Variants in SNTG1 observed in about 807,000 individuals in gnomAD.
SNTG1 encodes the protein gamma-1-syntrophin.
SNTG1 carries 39 observed loss-of-function variants against 74.7 expected under a neutral mutation model. The ratio of observed to expected loss-of-function variants is 0.52; its 90% CI spans 0.40 to 0.68. SNTG1 has a LOEUF of 0.68. Ranked by LOEUF, SNTG1 falls within the 30% of genes least tolerant of loss-of-function variation. SNTG1 has a pLI of 0.00. For synonymous variants in SNTG1, 254 were observed against 217.1 expected (o/e 1.17, Z -1.49); for missense variants, 685 against 609.5 (o/e 1.12, Z -1.30).
intron 18 of SNTG1, among the ~76,000 whole-genome samples, chr8:50,783,543 C>T (rs548695048): frequency 7.6e-4 from 116 of 152,308 alleles, no homozygotes; most frequent in Middle Eastern, 6.8e-3. Context: ...TTTTTAAGCC[C>T]GTGGGAAAAG....
At chr8:50,692,530 G>T (rs1396196774) in intron 15 of SNTG1, among the ~76,000 whole-genome samples, 1 of 152,170 alleles carries the variant, frequency 6.6e-6, no homozygotes, top group South Asian at 2.1e-4. Context: ...GACCCTGTTT[G>T]CCTGGGTTTC....
chr8:50,348,391 C>T (rs1221993207), intron 2 of SNTG1, among the ~76,000 whole-genome samples: 2 of 152,130 alleles, frequency 1.3e-5, no homozygotes, highest in African/African-American at 4.8e-5. Flanking sequence ...ACTACCCGCT[C>T]CTTTCTGGAG....
intron 1 of SNTG1, among the ~76,000 whole-genome samples, chr8:50,156,067 C>T (rs371234773): frequency 3.3e-5 from 5 of 152,014 alleles, no homozygotes; most frequent in African/African-American, 4.8e-5. Flanking sequence ...AAGACTAATA[C>T]AAAAAGAGGA....
rs549965322 is a variant in SNTG1 at position 50,530,201 on chromosome 8, G to A, written c.491G>A (p.Gly164Asp). 1 of 1,613,714 alleles carries A rather than the reference G, an allele frequency of 6.2e-7. No homozygotes were observed. Among genetic ancestry groups the A allele is most frequent in the South Asian group, 1.1e-5 (1 of 91,062 alleles). The change falls in exon 10 of 19, where the codon GGC becomes GAC. Residue 164 changes from glycine to aspartate, a missense_variant. Coordinates refer to ENST00000642720, the MANE Select transcript of SNTG1 (RefSeq NM_018967.5). ...GGTGCTCCAAGTGACCAGAGCAGTG[G>A]CACCTCCTCTCCTCTCTGTGACAGT... ...CACAPSDQSS[G>D]TSSPLCDSGL...
At chr8:50,489,039 G>C (rs2093825352) in intron 8 of SNTG1, among the ~76,000 whole-genome samples, 1 of 151,948 alleles carries the variant, frequency 6.6e-6, no homozygotes, top group Non-Finnish European at 1.5e-5. Flanking sequence ...TTGGTTTTCT[G>C]TTCCTGTGTT....
At chr8:50,617,840 G>A (rs538112180) in intron 13 of SNTG1, among the ~76,000 whole-genome samples, 1 of 152,292 alleles carries the variant, frequency 6.6e-6, no homozygotes, top group Admixed American at 6.5e-5. Flanking sequence ...TACCATAACC[G>A]ATTAGGTCAG....
Position 50,752,013 on chromosome 8 carries a change from A to G in SNTG1, c.1297A>G (p.Arg433Gly). ...TTCCCCCCTTTAGGCTGTCCTTTGG[A>G]GGTATAAATTCTCTCAGCTTAAAGG... ...FDAATKAVLW[R>G]YKFSQLKGSS... Residue 433 changes from arginine to glycine, a missense_variant, in exon 18 of 19, where the codon AGG becomes GGG. Transcript: ENST00000642720. 6.4e-7 allele frequency: 1 copy of G among 1,560,718 alleles called. No individual in the cohort carries two copies. The highest frequency in any genetic ancestry group is 1.2e-5 in the South Asian group (1 of 81,926).
rs375837938 is a variant in SNTG1 at position 50,599,622 on chromosome 8, C to A, written c.849+8705C>A. The stretch of plus-strand genomic sequence containing the variant: ...ACAAATGGGGTTACAGTTTTGATTT[C>A]ATTTTCAGATTGTTCACTGTTGGCA... On this transcript the variant is annotated intron_variant, in intron 13 of 18. Coordinates refer to ENST00000642720, the MANE Select transcript of SNTG1 (RefSeq NM_018967.5). Among the ~76,000 whole-genome samples, 25 of 151,988 alleles carry A rather than the reference C, an allele frequency of 1.6e-4. No individual in the cohort carries two copies. The South Asian group carries it at 2.5e-3, about 15-fold the overall frequency.
chr8:50,655,081 T>A (rs1016373784), intron 13 of SNTG1, among the ~76,000 whole-genome samples: 3 of 152,180 alleles, frequency 2.0e-5, no homozygotes, highest in Non-Finnish European at 4.4e-5. Context: ...TTCCTATAAA[T>A]TTTTCCTGGT....
intron 18 of SNTG1, among the ~76,000 whole-genome samples, chr8:50,757,853 T>C (rs896880006): frequency 1.3e-5 from 2 of 151,930 alleles, no homozygotes; most frequent in African/African-American, 4.8e-5. Flanking sequence ...TGTTTTACTT[T>C]TATTAGTGGT....
intron 11 of SNTG1, among the ~76,000 whole-genome samples, chr8:50,544,043 A>C (rs2094367874): frequency 6.6e-6 from 1 of 151,962 alleles, no homozygotes; most frequent in African/African-American, 2.4e-5. Context: ...TACTGTTGAG[A>C]TATACATATA....
At chr8:50,207,845 G>A (rs1387426734) in intron 2 of SNTG1, among the ~76,000 whole-genome samples, 1 of 152,156 alleles carries the variant, frequency 6.6e-6, no homozygotes, top group Admixed American at 6.5e-5. Flanking sequence ...TTCAAGAGCA[G>A]GTTATTCAGT....
intron 1 of SNTG1, among the ~76,000 whole-genome samples, chr8:49,993,419 TG>T (rs1305651413): frequency 6.6e-6 from 1 of 152,074 alleles, no homozygotes; most frequent in Non-Finnish European, 1.5e-5. Context: ...CTCTAAGTTC[TG>T]GGATACATGT....
At chr8:50,004,095 C>T (rs1271810126) in intron 1 of SNTG1, among the ~76,000 whole-genome samples, 2 of 152,090 alleles carry the variant, frequency 1.3e-5, no homozygotes, top group Non-Finnish European at 2.9e-5. Flanking sequence ...AGGCCATCAT[C>T]TAGTGTCCTT....
chr8:50,423,073 C>T (rs150019675), intron 4 of SNTG1, among the ~76,000 whole-genome samples: 1 of 152,008 alleles, frequency 6.6e-6, no homozygotes, highest in South Asian at 2.1e-4. Flanking sequence ...GCAAAGCTGG[C>T]TTTATTATGA....
intron 17 of SNTG1, among the ~76,000 whole-genome samples, chr8:50,749,339 T>G (rs1348388842): frequency 6.6e-6 from 1 of 152,034 alleles, no homozygotes; most frequent in East Asian, 1.9e-4. Flanking sequence ...AGTTTGTTCA[T>G]GAGGTTTAAG....
intron 1 of SNTG1, among the ~76,000 whole-genome samples, chr8:49,966,307 A>T (rs1228730445): frequency 6.6e-6 from 1 of 152,186 alleles, no homozygotes; most frequent in Non-Finnish European, 1.5e-5. Flanking sequence ...CGGGAAATAC[A>T]GTCAGTACTT....
At chr8:50,723,782 C>G (rs2095493288) in intron 17 of SNTG1, among the ~76,000 whole-genome samples, 1 of 145,834 alleles carries the variant, frequency 6.9e-6, no homozygotes, top group Non-Finnish European at 1.5e-5. Context: ...GGCAATGAGG[C>G]CTATGGAAAA....
chr8:50,237,510 T>G (rs750156747), intron 2 of SNTG1, among the ~76,000 whole-genome samples: 36 of 152,308 alleles, frequency 2.4e-4, no homozygotes, highest in Non-Finnish European at 1.8e-4. Context: ...GAAAACATCA[T>G]CTTATCAACT....
Sources: allele counts gnomAD v4.1 joint callset (sites outside exome capture counted in the v4.1 genomes callset), GRCh38; gene constraint gnomAD v4.1.1; transcripts MANE v1.5; gene names NCBI Gene and HGNC (gene_info 2026-07-23, HGNC 2026-07-21).